NR1H3: variants seen among roughly 807,000 people sequenced by gnomAD.
The protein encoded by NR1H3 is nuclear receptor subfamily 1 group H member 3, also known as oxysterols receptor LXR-alpha.
NR1H3 carries 19 observed loss-of-function variants against 48.1 expected under a neutral mutation model. That is an observed-to-expected ratio of 0.40 (90% CI 0.28 to 0.58). The LOEUF is 0.58. Ranked by LOEUF, NR1H3 falls within the 20% of genes least tolerant of loss-of-function variation. The probability of loss-of-function intolerance (pLI) is 0.50; values close to 1 mark genes in which losing one functional copy is unlikely to be tolerated. For missense variants in NR1H3, 486 were observed against 595.9 expected, an observed-to-expected ratio of 0.82 and a Z score of 1.92; for synonymous variants, 232 against 227.3, an observed-to-expected ratio of 1.02 and a Z score of -0.19.
chr11:47,253,835 G>C (rs568515824), upstream of NR1H3, among the ~76,000 whole-genome samples: 2 of 152,318 alleles, frequency 1.3e-5, no homozygotes, highest in Admixed American at 6.5e-5. Flanking sequence ...AGGCCCATAG[G>C]ACTGGGGGAC....
chr11:47,266,446 C>T (rs948310733), intron 7 of NR1H3, among the ~76,000 whole-genome samples: 2 of 152,078 alleles, frequency 1.3e-5, no homozygotes, highest in African/African-American at 4.8e-5. Context: ...AAGCAATTCG[C>T]CTGCTCAGCC....
chr11:47,248,439 T>C, upstream of NR1H3: 1 of 1,541,826 alleles, frequency 6.5e-7, no homozygotes, highest in Non-Finnish European at 8.7e-7. Context: ...TCTTTAGGGA[T>C]GAGTCTTAAC....
rs187924603 is a variant in NR1H3 at position 47,259,275 on chromosome 11, T to A, written c.43+16T>A. The A allele has an allele frequency of 1.2e-6, 2 of 1,614,112 alleles. No homozygotes were observed. The highest frequency in any genetic ancestry group is 1.7e-6 in the Non-Finnish European group (2 of 1,180,000). ...ATTCCTCCTGGTAAGCTTCATTCCA[T>A]CCCTCTCCCCTGAGCCCAGACCGCA... is the stretch of plus-strand genomic sequence containing the variant. On this transcript the variant is annotated intron_variant, in intron 2 of 9. Transcript: ENST00000441012.
intron 5 of NR1H3, 46 bp downstream of exon 5, chr11:47,261,495 T>G (rs1364271411): frequency 1.9e-6 from 3 of 1,610,430 alleles, no homozygotes; most frequent in Non-Finnish European, 8.5e-7. Context: ...AGATCACCAG[T>G]GGGCTTCTTG....
At chr11:47,259,314 C>T (rs1456193931) in intron 2 of NR1H3, 55 bp downstream of exon 2, 2 of 1,612,112 alleles carry the variant, frequency 1.2e-6, no homozygotes, top group Non-Finnish European at 1.7e-6. Flanking sequence ...TCCACGCCTC[C>T]TGTAGGAATC....
chr11:47,248,884 G>C (rs1186235833), upstream of NR1H3: 1 of 1,548,944 alleles, frequency 6.5e-7, no homozygotes, highest in East Asian at 2.4e-5. Context: ...CACGCCGGAA[G>C]TGCGTTCGCC....
At chr11:47,248,769 G>A (rs768019400), upstream of NR1H3, 4 of 1,599,896 alleles carry the variant, frequency 2.5e-6, no homozygotes, top group East Asian at 4.5e-5. Flanking sequence ...CCCGGCTCCA[G>A]CCGGACCGCT....
At chr11:47,260,856 G>A (rs1393182217) in intron 4 of NR1H3, among the ~76,000 whole-genome samples, 181 bp downstream of exon 4, 1 of 152,104 alleles carries the variant, frequency 6.6e-6, no homozygotes, top group Admixed American at 6.6e-5. Context: ...AGGCCGAAGC[G>A]GGTGGATCAC....
At chr11:47,268,212 A>G in intron 8 of NR1H3, 49 bp from the exon 9 acceptor site, 1 of 1,565,880 alleles carries the variant, frequency 6.4e-7, no homozygotes, top group Admixed American at 1.7e-5. Context: ...TGGGGTATGG[A>G]ACTGGACCCT....
At position 47,260,468 on chromosome 11, in the gene NR1H3, T is replaced by C; in HGVS notation, c.292T>C (p.Cys98Arg). Reference protein sequence around the residue: ...PAPKMLGNELCSVCGDKASGF... With the variant: ...PAPKMLGNELRSVCGDKASGF... ...CCCCAAAATGCTGGGGAACGAGCTA[T>C]GCAGCGTGTGTGGGGACAAGGCCTC... Residue 98 changes from cysteine to arginine, a missense_variant, in exon 4 of 10, where the codon TGC becomes CGC. Physicochemically the swap from Cys to Arg is radical, Grantham distance 180. Transcript: ENST00000441012. 1.2e-6 allele frequency: 2 copies of C among 1,614,242 alleles called. No individual in the cohort carries two copies. The highest frequency in any genetic ancestry group is 1.7e-6 in the Non-Finnish European group (2 of 1,180,050).
chr11:47,260,828 T>C, intron 4 of NR1H3, 153 bp downstream of exon 4: 1 of 1,040,162 alleles, frequency 9.6e-7, no homozygotes, highest in Non-Finnish European at 1.4e-6. Context: ...CTCATGCCTG[T>C]AATCCCAGCA....
chr11:47,268,673 G>C lies in NR1H3; in HGVS notation c.1321G>C (p.Glu441Gln). Residue 441 changes from glutamate (E) to glutamine (Q), a missense_variant, in exon 10 of 10, where the codon GAG (glutamate) becomes CAG (glutamine). Glu to Gln is a conservative substitution (Grantham distance 29). Transcript: ENST00000441012. ...CAAAAAGCTCCCACCGCTGCTCTCT[G>C]AGATCTGGGATGTGCACGAATGACT... ...QDKKLPPLLS[E>Q]IWDVHE 6.2e-7 allele frequency: 1 copy of C among 1,614,166 alleles called. No individual in the cohort carries two copies.
upstream of NR1H3, among the ~76,000 whole-genome samples, chr11:47,255,653 TTC>T (rs1333432363): frequency 7.0e-5 from 9 of 128,100 alleles, no homozygotes; most frequent in African/African-American, 9.3e-5. Flanking sequence ...TTCTTTCTCT[TTC>T]TCTCTCTCTC....
upstream of NR1H3, among the ~76,000 whole-genome samples, chr11:47,255,535 CTTTCTTTTTCTTTCTT>C (rs1565177966): frequency 2.4e-5 from 3 of 126,874 alleles, no homozygotes; most frequent in Non-Finnish European, 5.1e-5. Flanking sequence ...CTCTTTCTTT[CTTTCTTTTTCTTTCTT>C]TCTTTCTTTC....
At chr11:47,248,455 A>T, upstream of NR1H3, 1 of 1,545,282 alleles carries the variant, frequency 6.5e-7, no homozygotes, top group South Asian at 1.2e-5. Flanking sequence ...TTAACCATTC[A>T]ACCACTTCCC....
intron 2 of NR1H3, 87 bp downstream of exon 2, chr11:47,259,346 T>C: frequency 6.2e-7 from 1 of 1,606,094 alleles, no homozygotes. Context: ...TTACCTGCCT[T>C]CTTCCTTCCT....
Position 47,268,529 on chromosome 11 carries a change from TTG to T in NR1H3, c.1198-19_1198-18del, listed in dbSNP as rs1957520881. 9 of 1,613,978 alleles carry T rather than the reference TTG, an allele frequency of 5.6e-6. No individual in the cohort carries two copies. The highest frequency in any genetic ancestry group is 7.6e-6 in the Non-Finnish European group (9 of 1,179,978). ...CCCTGGGGACAGGCAAAAGCTGTGTTTGTCTCTCTCCTTTCCCCAGGACCGAC... is the reference window on the plus strand; with the variant it reads ...CCCTGGGGACAGGCAAAAGCTGTGTTTCTCTCTCCTTTCCCCAGGACCGAC... On this transcript the variant is annotated intron_variant, in intron 9 of 9. Transcript: ENST00000441012.
chr11:47,257,538 G>C, upstream of NR1H3: 1 of 508,266 alleles, frequency 2.0e-6, no homozygotes, highest in Non-Finnish European at 2.5e-6. Context: ...GAGCTTCTTG[G>C]CCTCTTCCCA....
At position 47,268,295 on chromosome 11, in the gene NR1H3, G is replaced by A. The variant is rs1207247832; in HGVS notation, c.1137G>A (p.Glu379=). 2 of 1,614,008 alleles carry A rather than the reference G, an allele frequency of 1.2e-6. No homozygotes were observed. Among genetic ancestry groups the A allele is most frequent in the Non-Finnish European group, 1.7e-6 (2 of 1,180,026 alleles). ...RPNVQDQLQV[E]RLQHTYVEAL... is the part of the protein sequence containing the mutation. ...ACGTGCAGGACCAGCTCCAGGTAGAGAGGCTGCAGCACACATATGTGGAAG... is the reference window on the plus strand; with the variant it reads ...ACGTGCAGGACCAGCTCCAGGTAGAAAGGCTGCAGCACACATATGTGGAAG... Residue 379 remains glutamate, a synonymous_variant, in exon 9 of 10, where the codon GAG becomes GAA. Transcript: ENST00000441012.
Sources: allele counts gnomAD v4.1 joint callset (sites outside exome capture counted in the v4.1 genomes callset), GRCh38; gene constraint gnomAD v4.1.1; transcripts MANE v1.5; gene names NCBI Gene and HGNC (gene_info 2026-07-23, HGNC 2026-07-21).